The following RBFOX1 variants were observed in gnomAD, a reference collection of about 807,000 sequenced individuals.
The protein encoded by RBFOX1 is RNA binding protein fox-1 homolog 1.
A neutral mutation model predicts 57.7 loss-of-function variants in RBFOX1; 8 were observed. That is an observed-to-expected ratio of 0.14 (90% confidence interval 0.08 to 0.25). The LOEUF (loss-of-function observed/expected upper bound fraction) is 0.25. Ranked by LOEUF, RBFOX1 falls within the 10% of genes least tolerant of loss-of-function variation. RBFOX1 has a pLI of 1.00. For missense variants in RBFOX1, 611 were observed against 548.5 expected (o/e 1.11, Z -1.14); for synonymous variants, 326 against 222.4 (o/e 1.47, Z -4.15).
chr16:6,844,741 A>G (rs1321313285), intron 3 of RBFOX1, among the ~76,000 whole-genome samples: 2 of 152,168 alleles, frequency 1.3e-5, no homozygotes, highest in African/African-American at 2.4e-5. Context: ...TTCTGCATCT[A>G]GGTCTTTGAG....
chr16:6,484,425 G>A (rs1225438222), intron 2 of RBFOX1, among the ~76,000 whole-genome samples: 2 of 149,128 alleles, frequency 1.3e-5, no homozygotes, highest in Non-Finnish European at 3.0e-5. Flanking sequence ...TACTGAACAC[G>A]CTTCGACTTG....
intron 5 of RBFOX1, among the ~76,000 whole-genome samples, chr16:7,559,485 A>T (rs910283720): frequency 1.3e-5 from 2 of 152,332 alleles, no homozygotes; most frequent in Middle Eastern, 3.4e-3. Context: ...CCTTAAAAAT[A>T]TAAAAGTCTT....
At position 6,637,024 on chromosome 16, in the gene RBFOX1, CATTT is replaced by C. The variant is rs199684729; in HGVS notation, c.-63-17576_-63-17573del. Among the ~76,000 whole-genome samples the C allele has an allele frequency of 4.5e-3, 479 of 107,338 alleles. 5 individuals carry two copies. Among genetic ancestry groups the C allele is most frequent in the African/African-American group, 0.016 (406 of 26,110 alleles). The allele number at this position is 107,338 out of a possible 152,430, so 70.4% of individuals were successfully genotyped here. A position where few individuals can be genotyped will look rare whatever the true frequency, so the allele number is the denominator to read the frequency against. On this transcript the variant is annotated intron_variant, in intron 2 of 15. Transcript: ENST00000550418. ...AAATATGTATAAATATGTGTATAAACATTTATATGGATAAATTATGTATAAACAT... is the reference window on the plus strand; with the variant it reads ...AAATATGTATAAATATGTGTATAAACATATGGATAAATTATGTATAAACAT...
intron 1 of RBFOX1, among the ~76,000 whole-genome samples, chr16:6,270,971 G>A (rs372165241): frequency 1.9e-3 from 285 of 152,300 alleles, no homozygotes; most frequent in African/African-American, 6.3e-3. Flanking sequence ...GAGTCTCCAG[G>A]AAAATAAATA....
chr16:5,659,507 G>C (rs2049575397), intron 3 of RBFOX1, among the ~76,000 whole-genome samples: 1 of 151,990 alleles, frequency 6.6e-6, no homozygotes, highest in East Asian at 1.9e-4. Flanking sequence ...GTTTTACCAT[G>C]TTAGCCAGGA....
intron 1 of RBFOX1, among the ~76,000 whole-genome samples, chr16:6,280,600 T>A (rs1347338986): frequency 6.6e-6 from 1 of 152,140 alleles, no homozygotes; most frequent in African/African-American, 2.4e-5. Context: ...AATGTCGCAG[T>A]ACTCAGGAAG....
chr16:7,268,473 A>T (rs1230164690), intron 4 of RBFOX1, among the ~76,000 whole-genome samples: 1 of 152,200 alleles, frequency 6.6e-6, no homozygotes, highest in African/African-American at 2.4e-5. Context: ...GCTGCTACTC[A>T]GGAGTGCCTG....
intron 13 of RBFOX1, among the ~76,000 whole-genome samples, chr16:7,667,940 C>G (rs1173393942): frequency 2.6e-5 from 4 of 152,142 alleles, no homozygotes; most frequent in Non-Finnish European, 5.9e-5. Context: ...TCCCAAAGTG[C>G]TACGATTACA....
intron 4 of RBFOX1, among the ~76,000 whole-genome samples, chr16:7,404,549 A>T (rs2098302637): frequency 6.6e-6 from 1 of 152,190 alleles, no homozygotes; most frequent in African/African-American, 2.4e-5. Context: ...TCTGCTTCAC[A>T]GTTCAAAAAG....
chr16:6,701,421 T>A (rs1197278948), intron 3 of RBFOX1, among the ~76,000 whole-genome samples: 1 of 152,240 alleles, frequency 6.6e-6, no homozygotes, highest in African/African-American at 2.4e-5. Flanking sequence ...TGTTTTACAT[T>A]GCTGTAAAGG....
chr16:5,967,896 T>A (rs2059879974), intron 4 of RBFOX1, among the ~76,000 whole-genome samples: 1 of 152,214 alleles, frequency 6.6e-6, no homozygotes, highest in Non-Finnish European at 1.5e-5. Flanking sequence ...TTGCTTTGCA[T>A]GTGGTATCCC....
intron 3 of RBFOX1, among the ~76,000 whole-genome samples, chr16:7,051,615 A>G (rs1217895957): frequency 6.6e-6 from 1 of 152,228 alleles, no homozygotes; most frequent in Non-Finnish European, 1.5e-5. Flanking sequence ...ATGACAACTG[A>G]CACTACTGGC....
intron 4 of RBFOX1, among the ~76,000 whole-genome samples, chr16:7,215,981 C>T (rs2091970962): frequency 6.6e-6 from 1 of 152,280 alleles, no homozygotes; most frequent in African/African-American, 2.4e-5. Context: ...CCTCGGCCTC[C>T]CAAAGTGCTG....
intron 3 of RBFOX1, among the ~76,000 whole-genome samples, chr16:6,776,301 C>G (rs1333853086): frequency 1.3e-5 from 2 of 152,054 alleles, no homozygotes; most frequent in African/African-American, 4.8e-5. Context: ...GTCCCAGCTA[C>G]TCGGGGGGCT....
intron 3 of RBFOX1, among the ~76,000 whole-genome samples, chr16:5,676,610 C>T (rs2050176669): frequency 6.6e-6 from 1 of 152,120 alleles, no homozygotes; most frequent in South Asian, 2.1e-4. Flanking sequence ...CCTGTAATCC[C>T]AGCACTTGGG....
At chr16:6,631,900 A>G (rs2098389558) in intron 2 of RBFOX1, among the ~76,000 whole-genome samples, 1 of 152,166 alleles carries the variant, frequency 6.6e-6, no homozygotes, top group Admixed American at 6.5e-5. Context: ...GTAGCCAAAG[A>G]GGAGTGAGCA....
chr16:6,485,105 G>A (rs1228958861), intron 2 of RBFOX1, among the ~76,000 whole-genome samples: 9 of 152,194 alleles, frequency 5.9e-5, no homozygotes, highest in Admixed American at 1.3e-4. Context: ...TAAGTTTGAA[G>A]AGGGTTGTTT....
intron 4 of RBFOX1, among the ~76,000 whole-genome samples, chr16:7,070,612 C>A (rs1372006222): frequency 1.3e-5 from 2 of 152,122 alleles, no homozygotes; most frequent in Non-Finnish European, 1.5e-5. Flanking sequence ...TTTTGATTAA[C>A]CTGGGTTTGC....
Position 7,253,513 on chromosome 16 carries a change from C to T in RBFOX1, c.27+201415C>T, listed in dbSNP as rs558051175. ...TACATCATTGACCTTGTCATCACTT[C>T]CTTTCTAACCATCTGCAAAACATTA... On this transcript the variant is annotated intron_variant, in intron 4 of 15. Coordinates refer to ENST00000550418, the MANE Select transcript of RBFOX1 (RefSeq NM_018723.4). 6.6e-5 allele frequency among the ~76,000 whole-genome samples: 10 copies of T among 152,268 alleles called. No individual in the cohort carries two copies. In the South Asian group the frequency reaches 2.1e-3, roughly 32 times the overall value.
Sources: allele counts gnomAD v4.1 joint callset (sites outside exome capture counted in the v4.1 genomes callset), GRCh38; gene constraint gnomAD v4.1.1; transcripts MANE v1.5; gene names NCBI Gene and HGNC (gene_info 2026-07-23, HGNC 2026-07-21).